Variants in DACH2 observed in about 807,000 individuals in gnomAD.
DACH2 encodes dachshund homolog 2.
In DACH2, 17 loss-of-function variants were observed where a neutral mutation model predicts 35.8. That is an observed-to-expected ratio of 0.48 (90% CI 0.33 to 0.71). The LOEUF (loss-of-function observed/expected upper bound fraction) is 0.71. Among genes scored for constraint, DACH2 ranks in the 30% least tolerant of loss-of-function variants. DACH2 has a pLI of 0.02. For synonymous variants in DACH2, 195 were observed against 177.3 expected (o/e 1.10, Z -0.79); for missense variants, 469 against 472.7 (o/e 0.99, Z 0.07).
chrX:86,173,984 G>A (rs1249807777), intron 1 of DACH2, among the ~76,000 whole-genome samples: 1 of 111,099 alleles, frequency 9.0e-6, no homozygotes, highest in Admixed American at 9.6e-5. Flanking sequence ...GATGCTGGGT[G>A]TGAGAGAAAG....
At chrX:86,456,058 A>C (rs2037469515) in intron 2 of DACH2, among the ~76,000 whole-genome samples, 1 of 111,826 alleles carries the variant, frequency 8.9e-6, no homozygotes, top group African/African-American at 3.2e-5. Flanking sequence ...ACAATCACTC[A>C]CCACTTCCTT....
At chrX:86,274,555 CG>C (rs2033880715) in intron 1 of DACH2, among the ~76,000 whole-genome samples, 1 of 85,954 alleles carries the variant, frequency 1.2e-5, no homozygotes, top group African/African-American at 4.3e-5. Context: ...AGAGCAGTGG[CG>C]TGATCTCGGC....
chrX:86,473,071 G>C (rs1849209453), intron 2 of DACH2, among the ~76,000 whole-genome samples: 1 of 111,543 alleles, frequency 9.0e-6, no homozygotes, highest in South Asian at 3.7e-4. Flanking sequence ...GGTTACATGA[G>C]ATATTTTTAT....
intron 2 of DACH2, among the ~76,000 whole-genome samples, chrX:86,480,243 G>A (rs186979423): frequency 4.5e-5 from 5 of 112,336 alleles, no homozygotes; most frequent in African/African-American, 1.3e-4. Context: ...CCACCTTGGT[G>A]GTGTTGGATA....
chrX:86,191,681 G>A (rs990288761), intron 1 of DACH2, among the ~76,000 whole-genome samples: 4 of 111,163 alleles, frequency 3.6e-5, no homozygotes, highest in African/African-American at 1.3e-4. Flanking sequence ...TGGCTCCCAG[G>A]TGTAAGCCTA....
intron 2 of DACH2, among the ~76,000 whole-genome samples, chrX:86,403,018 A>G (rs1302247809): frequency 8.9e-6 from 1 of 112,186 alleles, no homozygotes; most frequent in Non-Finnish European, 1.9e-5. Context: ...ATTTTACCAT[A>G]TACAAAAATT....
intron 1 of DACH2, among the ~76,000 whole-genome samples, chrX:86,325,201 A>G (rs1276817485): frequency 9.0e-6 from 1 of 111,486 alleles, no homozygotes; most frequent in Non-Finnish European, 1.9e-5. Flanking sequence ...TATAATGTTA[A>G]TGTTGCTGTG....
At chrX:86,429,822 C>T (rs2036957442) in intron 2 of DACH2, among the ~76,000 whole-genome samples, 1 of 111,966 alleles carries the variant, frequency 8.9e-6, no homozygotes, top group African/African-American at 3.3e-5. Context: ...CTCAGCCTCC[C>T]AAAGTGCCAG....
chrX:86,269,050 T>A (rs2033767095), intron 1 of DACH2, among the ~76,000 whole-genome samples: 1 of 110,950 alleles, frequency 9.0e-6, no homozygotes, highest in Non-Finnish European at 1.9e-5. Context: ...CACCCTGTTG[T>A]GCTATCAAAT....
chrX:86,790,017 T>G (rs1171712819), intron 7 of DACH2, among the ~76,000 whole-genome samples: 3 of 112,004 alleles, frequency 2.7e-5, no homozygotes, highest in Admixed American at 9.5e-5. Context: ...ATTATTTTAT[T>G]TTGCCTAGAA....
At chrX:86,237,920 T>C (rs897306681) in intron 1 of DACH2, among the ~76,000 whole-genome samples, 16 of 111,902 alleles carry the variant, frequency 1.4e-4, no homozygotes, top group Admixed American at 2.8e-4. Flanking sequence ...CAGCCATGGC[T>C]CAAGGAGCTC....
intron 1 of DACH2, among the ~76,000 whole-genome samples, chrX:86,287,863 C>G (rs2034185266): frequency 8.9e-6 from 1 of 112,250 alleles, no homozygotes. Context: ...GGTCACATAT[C>G]TCTGTTTTTC....
At chrX:86,579,096 G>GTTTTTTTTTTTTTTTT (rs770568711) in intron 3 of DACH2, among the ~76,000 whole-genome samples, 1 of 102,450 alleles carries the variant, frequency 9.8e-6, no homozygotes, top group African/African-American at 3.5e-5. Flanking sequence ...TCACTTTTTA[G>GTTTTTTTTTTTTTTTT]TTTTTTTTTT....
At chrX:86,242,629 G>A (rs910722295) in intron 1 of DACH2, among the ~76,000 whole-genome samples, 2 of 111,497 alleles carry the variant, frequency 1.8e-5, no homozygotes, top group Non-Finnish European at 3.8e-5. Context: ...TGAATTGTGA[G>A]AAGGACATGA....
At chrX:86,244,257 C>T (rs1177343247) in intron 1 of DACH2, among the ~76,000 whole-genome samples, 1 of 111,945 alleles carries the variant, frequency 8.9e-6, no homozygotes, top group African/African-American at 3.2e-5. Flanking sequence ...GGACAAAAGC[C>T]TTTCTGTTCT....
At chrX:86,411,661 A>G (rs1378603569) in intron 2 of DACH2, among the ~76,000 whole-genome samples, 1 of 112,013 alleles carries the variant, frequency 8.9e-6, no homozygotes, top group Non-Finnish European at 1.9e-5. Flanking sequence ...TGAAAATGAA[A>G]TAAAATAAAG....
At chrX:86,467,977 A>T (rs1246498559) in intron 2 of DACH2, among the ~76,000 whole-genome samples, 1 of 111,273 alleles carries the variant, frequency 9.0e-6, no homozygotes, top group Non-Finnish European at 1.9e-5. Context: ...GGATTATAGG[A>T]ACTACAATGC....
chrX:86,424,702 A>G (rs1416106805), intron 2 of DACH2, among the ~76,000 whole-genome samples: 1 of 111,422 alleles, frequency 9.0e-6, no homozygotes, highest in Non-Finnish European at 1.9e-5. Flanking sequence ...TCTAGCCAGG[A>G]CTTCCAGTAC....
At position 86,813,879 on chromosome X, in the gene DACH2, T is replaced by C. The variant is rs1010234395; in HGVS notation, c.1537+602T>C. Among the ~76,000 whole-genome samples, 3 of 111,288 alleles carry C rather than the reference T, an allele frequency of 2.7e-5. No individual in the cohort carries two copies. In the Admixed American group the frequency reaches 2.9e-4, roughly 11 times the overall value. ...CTATAAAATAGAGATAAAAGTGTTT[T>C]TCTTACTTGAAAGTTTATTTTTATG... On this transcript the variant is annotated intron_variant, in intron 9 of 11. Transcript: ENST00000373125.
Sources: gnomAD v4.1 joint callset for allele counts (sites outside exome capture counted in the v4.1 genomes callset) on GRCh38, gnomAD v4.1.1 for gene constraint, MANE v1.5 for transcripts, NCBI Gene and HGNC (gene_info 2026-07-23, HGNC 2026-07-21) for gene names.